Variants in JARID2 observed in about 807,000 individuals in gnomAD.
JARID2 encodes protein Jumonji.
Under a neutral mutation model 125.6 loss-of-function variants are expected in JARID2, and 21 were observed. The ratio of observed to expected loss-of-function variants is 0.17; its 90% CI spans 0.12 to 0.24. The LOEUF is 0.24. JARID2 is among the 10% of genes least tolerant of loss of function. JARID2 has a pLI of 1.00. For missense variants in JARID2, 1,303 were observed against 1,639.6 expected, an observed-to-expected ratio of 0.79 and a Z score of 3.55; for synonymous variants, 736 against 661.6, an observed-to-expected ratio of 1.11 and a Z score of -1.73.
intron 1 of JARID2, among the ~76,000 whole-genome samples, chr6:15,295,146 G>A (rs1414145135): frequency 6.4e-5 from 9 of 140,768 alleles, no homozygotes; most frequent in Non-Finnish European, 1.2e-4. Context: ...TTTTGAGACG[G>A]AGTCTTGCTC....
chr6:15,278,457 A>C (rs1254839675), intron 1 of JARID2, among the ~76,000 whole-genome samples: 1 of 151,896 alleles, frequency 6.6e-6, no homozygotes, highest in Non-Finnish European at 1.5e-5. Context: ...GTGATGGCTC[A>C]TGCCTGTAAT....
chr6:15,384,988 C>A (rs957071185), intron 2 of JARID2, among the ~76,000 whole-genome samples: 18 of 152,220 alleles, frequency 1.2e-4, no homozygotes, highest in Non-Finnish European at 1.0e-4. Context: ...CCTGTGCTCG[C>A]TCAGCTTCTG....
intron 1 of JARID2, among the ~76,000 whole-genome samples, chr6:15,368,525 A>G (rs1309361295): frequency 6.6e-6 from 1 of 152,222 alleles, no homozygotes; most frequent in South Asian, 2.1e-4. Flanking sequence ...GATTATTCAC[A>G]TGTAATTTGA....
intron 6 of JARID2, among the ~76,000 whole-genome samples, chr6:15,494,413 C>CTTTTTTTT (rs60218567): frequency 0.065 from 5,220 of 80,402 alleles, 1,011 homozygotes; most frequent in South Asian, 0.11. Context: ...TTTGGCAAGT[C>CTTTTTTTT]TTTTTTTTTT....
intron 3 of JARID2, among the ~76,000 whole-genome samples, chr6:15,444,940 T>TC (rs1291475273): frequency 1.3e-5 from 2 of 152,110 alleles, no homozygotes; most frequent in South Asian, 2.1e-4. Context: ...AGCCGCCTGG[T>TC]CCCCCTTGCT....
chr6:15,246,471 G>T lies in JARID2; in HGVS notation c.-69G>T. The T allele has an allele frequency of 2.2e-6, 3 of 1,367,074 alleles. No homozygotes were observed. The highest frequency in any genetic ancestry group is 2.4e-5 in the South Asian group (2 of 82,198). The allele number at this position is 1,367,074 out of a possible 1,614,324, so 84.7% of individuals were successfully genotyped here. On this transcript the variant is annotated 5_prime_UTR_variant, in exon 1 of 18. Transcript: ENST00000341776. ...ATAAAAACCACCAGGATATTTTTTT[G>T]CAAATTTCTGACGGCTTTAAATTCA... is the stretch of plus-strand genomic sequence containing the variant.
At position 15,468,675 on chromosome 6, in the gene JARID2, C is replaced by T. The variant is rs1274643714; in HGVS notation, c.627C>T (p.Thr209=). 4.3e-6 allele frequency: 7 copies of T among 1,613,590 alleles called. No homozygotes were observed. Among genetic ancestry groups the T allele is most frequent in the Non-Finnish European group, 5.9e-6 (7 of 1,179,794 alleles). ...TNNASSSCQS[T]PRKGKTHKHV... is the part of the protein sequence containing the mutation. ...ATGCTTCATCTTCATGCCAGTCGACCCCCAGGAAAGGAAAAACCCACAAAC... is the reference window on the plus strand; with the variant it reads ...ATGCTTCATCTTCATGCCAGTCGACTCCCAGGAAAGGAAAAACCCACAAAC... Residue 209 remains threonine (T), a synonymous_variant, in exon 5 of 18, where the codon ACC becomes ACT. Coordinates refer to ENST00000341776, the MANE Select transcript of JARID2 (RefSeq NM_004973.4).
At chr6:15,479,579 C>A (rs1561891879) in intron 5 of JARID2, among the ~76,000 whole-genome samples, 1 of 152,152 alleles carries the variant, frequency 6.6e-6, no homozygotes, top group Non-Finnish European at 1.5e-5. Flanking sequence ...ATTCTATTTC[C>A]AGATATCTGT....
At chr6:15,487,279 T>A (rs1172001518) in intron 5 of JARID2, 28 bp from the exon 6 acceptor site, 2 of 1,594,306 alleles carry the variant, frequency 1.3e-6, no homozygotes, top group African/African-American at 1.3e-5. Context: ...GGTAGTGATT[T>A]CATTCTTGTT....
rs1175879330 is a variant in JARID2, at chr6:15,459,281, A to G, written c.493+7106A>G. 1.3e-5 allele frequency among the ~76,000 whole-genome samples: 2 copies of G among 152,242 alleles called. 1 individual carries two copies. Among genetic ancestry groups the G allele is most frequent in the Non-Finnish European group, 2.9e-5 (2 of 68,046 alleles). On this transcript the variant is annotated intron_variant, in intron 4 of 17. Transcript: ENST00000341776. ...CCAAAATTCATGGATACTCAAGTCC[A>G]TTATGTAACATGGCACATGGTATTT...
chr6:15,323,577 G>A (rs963261327), intron 1 of JARID2, among the ~76,000 whole-genome samples: 1 of 152,204 alleles, frequency 6.6e-6, no homozygotes, highest in East Asian at 1.9e-4. Flanking sequence ...TTAAGCATAA[G>A]ACTTTTTAGG....
intron 4 of JARID2, among the ~76,000 whole-genome samples, chr6:15,466,833 T>C (rs1261129525): frequency 6.6e-6 from 1 of 152,190 alleles, no homozygotes; most frequent in African/African-American, 2.4e-5. Context: ...CTCCTGACTG[T>C]TTATTTTACT....
At chr6:15,290,855 C>T (rs1021437332) in intron 1 of JARID2, among the ~76,000 whole-genome samples, 3 of 152,292 alleles carry the variant, frequency 2.0e-5, no homozygotes, top group East Asian at 1.9e-4. Flanking sequence ...CTGCTGACCT[C>T]GTGATCCGCC....
Position 15,247,387 on chromosome 6 carries a change from T to C in JARID2, c.45+803T>C, listed in dbSNP as rs558626738. The C allele has an allele frequency of 2.3e-5, 22 of 969,542 alleles. No individual in the cohort carries two copies. In the Admixed American group the frequency reaches 7.4e-4, roughly 33 times the overall value. The allele number at this position is 969,542 out of a possible 1,614,324, so 60.1% of individuals were successfully genotyped here. On this transcript the variant is annotated intron_variant, in intron 1 of 17. Coordinates refer to ENST00000341776, the MANE Select transcript of JARID2 (RefSeq NM_004973.4). Reference sequence around the variant, plus strand: ...TGTGCATAGTACAGCTACGTTTTGATTGGCATGGGGAGTGTTTTTGTTTTG... The same window carrying C: ...TGTGCATAGTACAGCTACGTTTTGACTGGCATGGGGAGTGTTTTTGTTTTG...
At chr6:15,360,758 G>C (rs1487980948) in intron 1 of JARID2, among the ~76,000 whole-genome samples, 2 of 152,218 alleles carry the variant, frequency 1.3e-5, no homozygotes, top group South Asian at 2.1e-4. Context: ...TCCTACCTTA[G>C]CCTCCCAGTG....
At chr6:15,496,018 G>A in intron 6 of JARID2, 114 bp from the exon 7 acceptor site, 1 of 811,990 alleles carries the variant, frequency 1.2e-6, no homozygotes, top group Non-Finnish European at 2.0e-6. Flanking sequence ...ACTACAGGCT[G>A]CTGGCTCTGT....
intron 2 of JARID2, among the ~76,000 whole-genome samples, chr6:15,381,341 CAAAAA>C (rs11358363): frequency 6.5e-5 from 6 of 92,976 alleles, no homozygotes; most frequent in Admixed American, 1.2e-4. Flanking sequence ...ACTCCTGTCT[CAAAAA>C]AAAAAAAAAA....
chr6:15,444,803 G>T (rs1247022535), intron 3 of JARID2, among the ~76,000 whole-genome samples: 12 of 109,640 alleles, frequency 1.1e-4, no homozygotes, highest in African/African-American at 3.9e-4. Flanking sequence ...CCTTTGTTTA[G>T]AATTGGGATG....
chr6:15,448,251 T>G (rs1767760984), intron 3 of JARID2, among the ~76,000 whole-genome samples: 1 of 152,228 alleles, frequency 6.6e-6, no homozygotes, highest in African/African-American at 2.4e-5. Flanking sequence ...TATTGCCTTA[T>G]TTTTCATAGC....
Sources: gnomAD v4.1 joint callset for allele counts (sites outside exome capture counted in the v4.1 genomes callset) on GRCh38, gnomAD v4.1.1 for gene constraint, MANE v1.5 for transcripts, NCBI Gene and HGNC (gene_info 2026-07-23, HGNC 2026-07-21) for gene names.